RHOJ: variants seen among roughly 807,000 people sequenced by gnomAD.
RHOJ encodes the protein rho-related GTP-binding protein RhoJ.
RHOJ carries 11 observed loss-of-function variants against 23.4 expected under a neutral mutation model. The ratio of observed to expected loss-of-function variants is 0.47; its 90% confidence interval spans 0.30 to 0.78. RHOJ has a LOEUF of 0.78. RHOJ is among the 30% of genes least tolerant of loss of function. The pLI, the probability that RHOJ is intolerant of heterozygous loss-of-function variation, is 0.08. For synonymous variants in RHOJ, 102 were observed against 102.7 expected (o/e 0.99, Z 0.04); for missense variants, 254 against 273.4 (o/e 0.93, Z 0.50).
chr14:63,246,703 A>C (rs575959881), intron 1 of RHOJ, among the ~76,000 whole-genome samples: 1 of 152,162 alleles, frequency 6.6e-6, no homozygotes, highest in East Asian at 1.9e-4. Flanking sequence ...AATTTTCACA[A>C]TTTTTTCAAG....
chr14:63,247,230 G>A (rs1894992179), intron 1 of RHOJ, among the ~76,000 whole-genome samples: 1 of 152,210 alleles, frequency 6.6e-6, no homozygotes, highest in Non-Finnish European at 1.5e-5. Context: ...TAAGTAGTAT[G>A]TGGGCTCTTT....
At chr14:63,269,229 T>C in intron 2 of RHOJ, 61 bp downstream of exon 2, 3 of 1,237,500 alleles carry the variant, frequency 2.4e-6, no homozygotes, top group Non-Finnish European at 3.6e-6. Flanking sequence ...AAAGATCCAT[T>C]TGCTTATGCA....
At chr14:63,243,936 T>C (rs1228672339) in intron 1 of RHOJ, among the ~76,000 whole-genome samples, 1 of 152,226 alleles carries the variant, frequency 6.6e-6, no homozygotes, top group African/African-American at 2.4e-5. Context: ...TCTGATGTGA[T>C]GCCAAAAGAT....
At chr14:63,288,220 T>C in intron 4 of RHOJ, 3 of 985,460 alleles carry the variant, frequency 3.0e-6, no homozygotes, top group Non-Finnish European at 2.4e-6. Flanking sequence ...AAGCTTGGGC[T>C]CCTCCCGCTC....
chr14:63,222,348 G>A (rs946775442), intron 1 of RHOJ, among the ~76,000 whole-genome samples: 43 of 152,158 alleles, frequency 2.8e-4, no homozygotes, highest in Admixed American at 2.2e-3. Context: ...CCAGTAATGG[G>A]ATGGCTGGGT....
chr14:63,257,171 G>A (rs8012814), intron 1 of RHOJ, among the ~76,000 whole-genome samples: 18,413 of 145,518 alleles, frequency 0.13, 2,326 homozygotes, highest in African/African-American at 0.26. Context: ...CCAGGAGCTG[G>A]AGGTTGCAGT....
intron 1 of RHOJ, among the ~76,000 whole-genome samples, chr14:63,215,397 C>G (rs1008972324): frequency 6.6e-6 from 1 of 152,170 alleles, no homozygotes; most frequent in African/African-American, 2.4e-5. Context: ...ATCCAGATTG[C>G]CAACAAGAGA....
chr14:63,289,897 G>A (rs112440806), intron 4 of RHOJ, among the ~76,000 whole-genome samples: 5 of 151,932 alleles, frequency 3.3e-5, no homozygotes, highest in East Asian at 1.9e-4. Flanking sequence ...TATTGTTATT[G>A]TTACATGTTT....
At chr14:63,212,737 T>G (rs993900550) in intron 1 of RHOJ, among the ~76,000 whole-genome samples, 2 of 152,232 alleles carry the variant, frequency 1.3e-5, no homozygotes, top group Non-Finnish European at 2.9e-5. Flanking sequence ...CATGAAAATC[T>G]GTGTTCTATC....
chr14:63,217,795 C>T (rs1043007787), intron 1 of RHOJ, among the ~76,000 whole-genome samples: 2 of 152,150 alleles, frequency 1.3e-5, no homozygotes, highest in African/African-American at 4.8e-5. Context: ...TTTTAATGGA[C>T]AGCTTTTCAT....
intron 1 of RHOJ, among the ~76,000 whole-genome samples, chr14:63,221,396 C>T (rs79684110): frequency 0.014 from 2,205 of 152,244 alleles, 17 homozygotes; most frequent in Middle Eastern, 0.031. Context: ...CAAGGCAAGC[C>T]TCTTTCTTCC....
In RHOJ at chr14:63,247,858, G is replaced by A. The variant is rs11849752; in HGVS notation, c.179-21252G>A. The stretch of plus-strand genomic sequence containing the variant: ...TAATGGACTCACCGTTCCACTAACC[G>A]GGGAGGCCTCACAATCATGGCAGAA... On this transcript the variant is annotated intron_variant, in intron 1 of 4. Transcript: ENST00000316754. Among the ~76,000 whole-genome samples, 716 of 152,240 alleles carry A rather than the reference G, an allele frequency of 4.7e-3. 6 individuals carry two copies. The highest frequency in any genetic ancestry group is 0.017 in the African/African-American group (695 of 41,532).
chr14:63,230,910 A>G (rs144499262), intron 1 of RHOJ, among the ~76,000 whole-genome samples: 2,476 of 139,090 alleles, frequency 0.018, 85 homozygotes, highest in African/African-American at 0.066. Context: ...GTGTGATCTC[A>G]GCTCACTGCA....
intron 1 of RHOJ, among the ~76,000 whole-genome samples, chr14:63,222,792 G>A (rs1894522503): frequency 6.6e-6 from 1 of 152,104 alleles, no homozygotes; most frequent in African/African-American, 2.4e-5. Context: ...TCACTCTGAT[G>A]GTAGTTTCTT....
At chr14:63,264,344 A>T (rs747049798) in intron 1 of RHOJ, among the ~76,000 whole-genome samples, 2 of 152,216 alleles carry the variant, frequency 1.3e-5, no homozygotes, top group Non-Finnish European at 2.9e-5. Flanking sequence ...TACAAAGAAC[A>T]TGATTTTATT....
At chr14:63,224,930 TTAAA>T (rs1894561577) in intron 1 of RHOJ, among the ~76,000 whole-genome samples, 1 of 150,620 alleles carries the variant, frequency 6.6e-6, no homozygotes, top group Non-Finnish European at 1.5e-5. Flanking sequence ...CAACTATCAC[TTAAA>T]TAAACTATCA....
chr14:63,220,003 A>C lies in RHOJ; in HGVS notation c.178+14956A>C, dbSNP rs988065026. On this transcript the variant is annotated intron_variant, in intron 1 of 4. Transcript: ENST00000316754. ...TTTCATCTTTTATTAAGAAATAAAA[A>C]CACTTAAAATATTTTAATGGTATAT... Among the ~76,000 whole-genome samples the C allele has an allele frequency of 2.6e-5, 4 of 152,184 alleles. No homozygotes were observed. In the East Asian group the frequency reaches 5.8e-4, roughly 22 times the overall value.
chr14:63,268,702 T>G (rs184177807), intron 1 of RHOJ, among the ~76,000 whole-genome samples: 1 of 152,190 alleles, frequency 6.6e-6, no homozygotes. Flanking sequence ...AGATTTCTAA[T>G]AGACAAGCTA....
intron 1 of RHOJ, among the ~76,000 whole-genome samples, chr14:63,259,036 T>C (rs1594769187): frequency 6.6e-6 from 1 of 152,102 alleles, no homozygotes; most frequent in African/African-American, 2.4e-5. Context: ...GCCTCCCAGG[T>C]TCAAGCAATT....
Sources: allele counts gnomAD v4.1 joint callset (sites outside exome capture counted in the v4.1 genomes callset), GRCh38; gene constraint gnomAD v4.1.1; transcripts MANE v1.5; gene names NCBI Gene and HGNC (gene_info 2026-07-23, HGNC 2026-07-21).